The following DYSF variants were observed in gnomAD, a reference collection of about 807,000 sequenced individuals.
The protein encoded by DYSF is dystrophy-associated fer-1-like 1.
In DYSF, 212 loss-of-function variants were observed where a neutral mutation model predicts 274.9. The ratio of observed to expected loss-of-function variants is 0.77; its 90% CI spans 0.69 to 0.86. The LOEUF is 0.86. DYSF is among the 40% of genes least tolerant of loss of function. DYSF has a pLI of 0.00. For synonymous variants in DYSF, 1,091 were observed against 1,078.7 expected, an observed-to-expected ratio of 1.01 and a Z score of -0.22; for missense variants, 2,666 against 2,783.2, an observed-to-expected ratio of 0.96 and a Z score of 0.95.
rs530359735 is a variant in DYSF at position 71,659,690 on chromosome 2, G to A, written c.4911+657G>A. On this transcript the variant is annotated intron_variant, in intron 44 of 55. Coordinates refer to ENST00000410020, the MANE Select transcript of DYSF (RefSeq NM_001130987.2). ...TACATTTTGTGCCCAAGATAAGTGC[G>A]TGAGCTGTCTCCCTCTAGTCATTGC... Among the ~76,000 whole-genome samples, 124 of 152,336 alleles carry A rather than the reference G, an allele frequency of 8.1e-4. No homozygotes were observed. The South Asian group carries it at 0.022, about 27-fold the overall frequency.
intron 41 of DYSF, among the ~76,000 whole-genome samples, chr2:71,620,987 C>T (rs2094085262): frequency 6.6e-6 from 1 of 152,118 alleles, no homozygotes; most frequent in African/African-American, 2.4e-5. Context: ...GGCTGACTTT[C>T]TGTGCTCCTC....
rs1199734072 is a variant in DYSF, at chr2:71,514,420, TC to T, written c.759+504del. Reference sequence around the variant, plus strand: ...CATCTTTTTTTTCTCCTTATATCTATCCCCCTGCATATAGCCATGGATTTTT... The same window carrying T: ...CATCTTTTTTTTCTCCTTATATCTATCCCCTGCATATAGCCATGGATTTTT... On this transcript the variant is annotated intron_variant, in intron 7 of 55. Transcript: ENST00000410020. Among the ~76,000 whole-genome samples, 9 of 152,194 alleles carry T rather than the reference TC, an allele frequency of 5.9e-5. No homozygotes were observed. The East Asian group carries it at 1.7e-3, about 29-fold the overall frequency.
chr2:71,590,204 G>A lies in DYSF; in HGVS notation c.3497-7G>A. On this transcript the variant is annotated splice_region_variant and splice_polypyrimidine_tract_variant and intron_variant, in intron 31 of 55. Coordinates refer to ENST00000410020, the MANE Select transcript of DYSF (RefSeq NM_001130987.2). ...CTCTGGCACCTCTGTTTTTTCCCTTGGTGAAGATGGGAACCGCTACCATCT... is the reference window on the plus strand; with the variant it reads ...CTCTGGCACCTCTGTTTTTTCCCTTAGTGAAGATGGGAACCGCTACCATCT... The A allele has an allele frequency of 4.3e-6, 7 of 1,613,978 alleles. No homozygotes were observed. Among genetic ancestry groups the A allele is most frequent in the Non-Finnish European group, 5.9e-6 (7 of 1,179,970 alleles).
At position 71,480,367 on chromosome 2, in the gene DYSF, T is replaced by TACAC. The variant is rs35040279; in HGVS notation, c.92-503_92-500dup. 8.0e-3 allele frequency among the ~76,000 whole-genome samples: 1,204 copies of TACAC among 150,140 alleles called. 14 individuals are homozygous for TACAC. The highest frequency in any genetic ancestry group is 0.028 in the African/African-American group (1,136 of 40,884). ...TGGGCAATATAGTGAGGCCCCCGTC[T>TACAC]ACACACACACACACACGCACACACA... On this transcript the variant is annotated intron_variant, in intron 1 of 55. Transcript: ENST00000410020.
chr2:71,602,886 CTTCCAGG>C (rs1047928292), intron 36 of DYSF, 81 bp downstream of exon 36: 1 of 1,536,794 alleles, frequency 6.5e-7, no homozygotes, highest in African/African-American at 1.4e-5. Context: ...CACCTGGAGC[CTTCCAGG>C]TTCCTGGTGC....
At chr2:71,591,203 C>T (rs928783473) in intron 32 of DYSF, among the ~76,000 whole-genome samples, 2 of 152,248 alleles carry the variant, frequency 1.3e-5, no homozygotes, top group Non-Finnish European at 2.9e-5. Context: ...CATTTGCTCC[C>T]TATTTCTAAC....
intron 41 of DYSF, among the ~76,000 whole-genome samples, chr2:71,625,625 A>G (rs2094195016): frequency 6.6e-6 from 1 of 152,144 alleles, no homozygotes; most frequent in Admixed American, 6.5e-5. Flanking sequence ...TTTCAGAAGT[A>G]TCATTGCTAT....
Position 71,598,839 on chromosome 2 carries a change from G to C in DYSF, c.3756+94G>C, listed in dbSNP as rs2093471159. The stretch of plus-strand genomic sequence containing the variant: ...GGACTCGTGGCTGCCCAGCCAGATG[G>C]GTGCTCTCCTAACTCCACGGGCCCT... On this transcript the variant is annotated intron_variant, in intron 33 of 55. Coordinates refer to ENST00000410020, the MANE Select transcript of DYSF (RefSeq NM_001130987.2). The C allele has an allele frequency of 4.8e-6, 7 of 1,454,172 alleles. No individual in the cohort carries two copies. The Admixed American group carries it at 9.1e-5, about 19-fold the overall frequency. The allele number at this position is 1,454,172 out of a possible 1,614,324, so 90.1% of individuals were successfully genotyped here.
At chr2:71,618,412 G>GGA (rs1558639998) in intron 40 of DYSF, among the ~76,000 whole-genome samples, 6 of 6,410 alleles carry the variant, frequency 9.4e-4, no homozygotes, top group Admixed American at 1.8e-3. Flanking sequence ...TGGTAGAGGT[G>GGA]GTGTGTGTGT....
chr2:71,565,762 C>T (rs2092059889), intron 24 of DYSF, among the ~76,000 whole-genome samples: 1 of 152,202 alleles, frequency 6.6e-6, no homozygotes, highest in Non-Finnish European at 1.5e-5. Flanking sequence ...GTTGTCTTAT[C>T]ATCTGTAAAA....
chr2:71,515,538 T>G, intron 7 of DYSF, 85 bp from the exon 8 acceptor site: 94 of 1,580,474 alleles, frequency 5.9e-5, no homozygotes, highest in Middle Eastern at 1.7e-4. Flanking sequence ...AGATGGTCCC[T>G]GAGATTTCTG....
chr2:71,455,597 G>A (rs1227511106), intron 1 of DYSF, among the ~76,000 whole-genome samples: 2 of 152,184 alleles, frequency 1.3e-5, no homozygotes, highest in African/African-American at 4.8e-5. Context: ...GCCTGGCTGA[G>A]GGCTCTGGGC....
chr2:71,649,137 C>CAAAAAA (rs376775027), intron 42 of DYSF, among the ~76,000 whole-genome samples: 1 of 89,734 alleles, frequency 1.1e-5, no homozygotes, highest in African/African-American at 4.4e-5. Context: ...ACTTTGTCTC[C>CAAAAAA]AAAAAAAAAA....
chr2:71,650,033 T>A (rs567765752), intron 42 of DYSF, among the ~76,000 whole-genome samples: 1 of 152,198 alleles, frequency 6.6e-6, no homozygotes, highest in East Asian at 1.9e-4. Context: ...TTCCAAGATA[T>A]GACACTTATG....
intron 9 of DYSF, 84 bp downstream of exon 9, chr2:71,516,326 G>A (rs1029170905): frequency 4.2e-5 from 54 of 1,287,618 alleles, no homozygotes; most frequent in South Asian, 1.1e-4. Flanking sequence ...GTTTGTGCAC[G>A]TGTGTGCATG....
chr2:71,604,401 C>T (rs1016626110), intron 36 of DYSF, among the ~76,000 whole-genome samples: 1 of 152,190 alleles, frequency 6.6e-6, no homozygotes, highest in African/African-American at 2.4e-5. Context: ...CAAGCTCCTG[C>T]CTTGTATCTC....
intron 1 of DYSF, among the ~76,000 whole-genome samples, chr2:71,474,058 C>G (rs546521641): frequency 6.6e-6 from 1 of 151,626 alleles, no homozygotes; most frequent in Non-Finnish European, 1.5e-5. Flanking sequence ...TCCCGAGTAG[C>G]TGGGATTACA....
At chr2:71,625,921 T>G (rs1459963755) in intron 41 of DYSF, among the ~76,000 whole-genome samples, 3 of 152,060 alleles carry the variant, frequency 2.0e-5, no homozygotes, top group African/African-American at 7.2e-5. Context: ...TTTACTTGAA[T>G]TTTTAAAGGT....
At chr2:71,484,787 T>C (rs1341774217) in intron 3 of DYSF, among the ~76,000 whole-genome samples, 5 of 150,536 alleles carry the variant, frequency 3.3e-5, no homozygotes, top group African/African-American at 7.4e-5. Context: ...TGTGAACATA[T>C]TTTTGGCCAA....
Sources: allele counts gnomAD v4.1 joint callset (sites outside exome capture counted in the v4.1 genomes callset), GRCh38; gene constraint gnomAD v4.1.1; transcripts MANE v1.5; gene names NCBI Gene and HGNC (gene_info 2026-07-23, HGNC 2026-07-21).